TTC33: variants seen among roughly 807,000 people sequenced by gnomAD.
TTC33 encodes the protein tetratricopeptide repeat domain 33.
TTC33 carries 24 observed loss-of-function variants against 29.4 expected under a neutral mutation model. That is an observed-to-expected ratio of 0.82 (90% CI 0.59 to 1.15). The LOEUF (loss-of-function observed/expected upper bound fraction) is 1.15, where lower values mean the gene tolerates loss of function less well. Ranked by LOEUF, TTC33 falls within the 50% of genes most tolerant of loss-of-function variation. The pLI, the probability that TTC33 is intolerant of heterozygous loss-of-function variation, is 0.00. For missense variants in TTC33, 286 were observed against 310.4 expected, an observed-to-expected ratio of 0.92 and a Z score of 0.59; for synonymous variants, 107 against 100.3, an observed-to-expected ratio of 1.07 and a Z score of -0.40.
chr5:40,754,384 A>C (rs907492015), intron 1 of TTC33, among the ~76,000 whole-genome samples: 4 of 152,234 alleles, frequency 2.6e-5, no homozygotes, highest in African/African-American at 9.6e-5. Context: ...AGGGAAAGGA[A>C]AATGAGGAAT....
Position 40,713,783 on chromosome 5 carries a change from T to A in TTC33, c.*2362A>T, listed in dbSNP as rs1741944433. On this transcript the variant is annotated 3_prime_UTR_variant, in exon 5 of 5. Coordinates refer to ENST00000337702, the MANE Select transcript of TTC33 (RefSeq NM_012382.3). Reference sequence around the variant, plus strand: ...GAAAGTATATTAAACATCTATATCATTATCATGAACATCAATTCTCTTCAG... The same window carrying A: ...GAAAGTATATTAAACATCTATATCAATATCATGAACATCAATTCTCTTCAG... Among the ~76,000 whole-genome samples the A allele has an allele frequency of 6.6e-6, 1 of 152,156 alleles. No individual in the cohort carries two copies. Among genetic ancestry groups the A allele is most frequent in the South Asian group, 2.1e-4 (1 of 4,836 alleles).
In TTC33 at chr5:40,716,398, T is replaced by C; in HGVS notation, c.536A>G (p.Lys179Arg). ...SWARTLQEQQ[K>R]VAQRIKKSEA... ...ACTTTTTTTAATCCTCTGTGCTACCTTCTGCTGCTCCTGGAGCGTTCTTGC... is the reference window on the plus strand; with the variant it reads ...ACTTTTTTTAATCCTCTGTGCTACCCTCTGCTGCTCCTGGAGCGTTCTTGC... The change falls in exon 5 of 5, where the codon AAG (lysine) becomes AGG (arginine). Residue 179 changes from lysine to arginine, a missense_variant. Physicochemically the swap from Lys to Arg is conservative, Grantham distance 26. Transcript: ENST00000337702. 6.2e-7 allele frequency: 1 copy of C among 1,614,030 alleles called. No homozygotes were observed. The highest frequency in any genetic ancestry group is 8.5e-7 in the Non-Finnish European group (1 of 1,180,040).
intron 2 of TTC33, among the ~76,000 whole-genome samples, chr5:40,739,133 C>T (rs1742638391): frequency 6.6e-6 from 1 of 152,112 alleles, no homozygotes; most frequent in Admixed American, 6.6e-5. Flanking sequence ...TACACTAGTA[C>T]TATAAAGGTA....
At chr5:40,748,142 T>C (rs1430994107) in intron 1 of TTC33, among the ~76,000 whole-genome samples, 3 of 152,056 alleles carry the variant, frequency 2.0e-5, no homozygotes, top group Non-Finnish European at 4.4e-5. Context: ...GAAACATTTA[T>C]GAAATAGGAG....
At position 40,746,808 on chromosome 5, in the gene TTC33, C is replaced by G; in HGVS notation, c.211G>C (p.Glu71Gln). Residue 71 changes from glutamate to glutamine, a missense_variant, in exon 2 of 5, where the codon GAA becomes CAA. Glu to Gln is a conservative substitution (Grantham distance 29, BLOSUM62 2). Transcript: ENST00000337702. The part of the protein sequence containing the change: ...QLKDEGASLA[E>Q]NKRYREAIQK... ...ACTTTAAATACATACCTTTTATTTTCAGCCAAACTGGCTCCTTCATCCTTC... is the reference window on the plus strand; with the variant it reads ...ACTTTAAATACATACCTTTTATTTTGAGCCAAACTGGCTCCTTCATCCTTC... 1 of 1,609,556 alleles carries G rather than the reference C, an allele frequency of 6.2e-7. No homozygotes were observed. Among genetic ancestry groups the G allele is most frequent in the Non-Finnish European group, 8.5e-7 (1 of 1,178,692 alleles).
chr5:40,729,681 T>G (rs567421481), intron 3 of TTC33, among the ~76,000 whole-genome samples: 3 of 152,144 alleles, frequency 2.0e-5, no homozygotes, highest in African/African-American at 7.2e-5. Flanking sequence ...CAACAGTGAC[T>G]TTTTATTTAT....
At chr5:40,741,372 G>A (rs527861416) in intron 2 of TTC33, among the ~76,000 whole-genome samples, 1 of 152,258 alleles carries the variant, frequency 6.6e-6, no homozygotes, top group African/African-American at 2.4e-5. Context: ...ATTCTGAATG[G>A]CTGAAGCTTG....
chr5:40,724,558 G>A (rs1157217246), intron 4 of TTC33, among the ~76,000 whole-genome samples: 3 of 150,710 alleles, frequency 2.0e-5, no homozygotes, highest in East Asian at 2.0e-4. Flanking sequence ...GCTTGAACCC[G>A]GGAGGTGGAG....
intron 1 of TTC33, among the ~76,000 whole-genome samples, chr5:40,751,203 A>G (rs1362854718): frequency 1.3e-5 from 2 of 152,188 alleles, no homozygotes; most frequent in Non-Finnish European, 2.9e-5. Flanking sequence ...AAGACTTGAA[A>G]GTGAAAATTG....
intron 2 of TTC33, among the ~76,000 whole-genome samples, chr5:40,738,007 G>T (rs1742592933): frequency 6.6e-6 from 1 of 152,090 alleles, no homozygotes; most frequent in Admixed American, 6.6e-5. Flanking sequence ...TAATAAAGCT[G>T]CTAGAGACAT....
chr5:40,754,982 T>G (rs1742959247), intron 1 of TTC33, among the ~76,000 whole-genome samples: 2 of 152,164 alleles, frequency 1.3e-5, no homozygotes, highest in South Asian at 4.1e-4. Context: ...GACTTAACAT[T>G]TTTTTACCAG....
At chr5:40,751,970 A>G (rs1350852459) in intron 1 of TTC33, among the ~76,000 whole-genome samples, 1 of 152,066 alleles carries the variant, frequency 6.6e-6, no homozygotes, top group Non-Finnish European at 1.5e-5. Flanking sequence ...AGAAAAAAAA[A>G]AAAAAAAAGA....
In TTC33 at chr5:40,715,134, CCTA is replaced by C. The variant is rs1199360879; in HGVS notation, c.*1008_*1010del. ...TATTCATTGGCACTCTAATAACAGC[CCTA>C]CTTTTTTATTTTTAGAAAGATATAA... On this transcript the variant is annotated 3_prime_UTR_variant, in exon 5 of 5. Transcript: ENST00000337702. The C allele has an allele frequency of 4.3e-4, 66 of 151,888 alleles. No homozygotes were observed. Among genetic ancestry groups the C allele is most frequent in the African/African-American group, 1.5e-3 (62 of 41,480 alleles). 9.4% of individuals were successfully genotyped at this position (151,888 alleles called of 1,614,324 possible).
intron 2 of TTC33, among the ~76,000 whole-genome samples, chr5:40,740,290 T>A (rs1050862423): frequency 2.0e-5 from 3 of 151,642 alleles, no homozygotes; most frequent in African/African-American, 4.9e-5. Flanking sequence ...ATGATTTTCC[T>A]TCTATGTAAA....
intron 2 of TTC33, among the ~76,000 whole-genome samples, chr5:40,739,353 G>A (rs1295237613): frequency 6.6e-6 from 1 of 152,282 alleles, no homozygotes; most frequent in African/African-American, 2.4e-5. Context: ...GAGAACTGAT[G>A]TATTAACAAA....
chr5:40,732,087 T>C (rs1175433574), intron 2 of TTC33, among the ~76,000 whole-genome samples: 2 of 152,230 alleles, frequency 1.3e-5, no homozygotes, highest in Admixed American at 6.5e-5. Flanking sequence ...TCACAGCTCA[T>C]TGCAGCCTTG....
Position 40,712,204 on chromosome 5 carries a change from C to T in TTC33, c.*3941G>A, listed in dbSNP as rs1303744901. The stretch of plus-strand genomic sequence containing the variant: ...CCAACTCAGCAGACCTTTTAAATAT[C>T]CTGAACAAATGTTTACCTGTTGCCT... On this transcript the variant is annotated 3_prime_UTR_variant, in exon 5 of 5. Coordinates refer to ENST00000337702, the MANE Select transcript of TTC33 (RefSeq NM_012382.3). 6.6e-6 allele frequency among the ~76,000 whole-genome samples: 1 copy of T among 152,036 alleles called. No individual in the cohort carries two copies. The highest frequency in any genetic ancestry group is 1.5e-5 in the Non-Finnish European group (1 of 68,014).
Position 40,721,090 on chromosome 5 carries a change from G to A in TTC33, c.436-4592C>T, listed in dbSNP as rs535124898. ...TTCCCAGCTCCCAGATTTTGCCTAGGGAAGAAAAGAATTGGTCCACACTGT... is the reference window on the plus strand; with the variant it reads ...TTCCCAGCTCCCAGATTTTGCCTAGAGAAGAAAAGAATTGGTCCACACTGT... On this transcript the variant is annotated intron_variant, in intron 4 of 4. Coordinates refer to ENST00000337702, the MANE Select transcript of TTC33 (RefSeq NM_012382.3). 2.0e-5 allele frequency among the ~76,000 whole-genome samples: 3 copies of A among 152,154 alleles called. No individual in the cohort carries two copies. In the South Asian group the frequency reaches 6.2e-4, roughly 32 times the overall value.
rs181734946 is a variant in TTC33 at position 40,721,395 on chromosome 5, C to A, written c.436-4897G>T. On this transcript the variant is annotated intron_variant, in intron 4 of 4. Transcript: ENST00000337702. ...AGCAAACAAAACAATACGATTCTGGCATAAAGTCAGATATATAGACCAATG... is the reference window on the plus strand; with the variant it reads ...AGCAAACAAAACAATACGATTCTGGAATAAAGTCAGATATATAGACCAATG... Among the ~76,000 whole-genome samples the A allele has an allele frequency of 2.8e-4, 43 of 152,214 alleles. No individual in the cohort carries two copies. The East Asian group carries it at 3.5e-3, about 12-fold the overall frequency.
Sources: gnomAD v4.1 joint callset for allele counts (sites outside exome capture counted in the v4.1 genomes callset) on GRCh38, gnomAD v4.1.1 for gene constraint, MANE v1.5 for transcripts, NCBI Gene and HGNC (gene_info 2026-07-23, HGNC 2026-07-21) for gene names.